The following NDUFAF2 variants were observed in gnomAD, a reference collection of about 807,000 sequenced individuals.
NDUFAF2 encodes NADH:ubiquinone oxidoreductase complex assembly factor 2, also known as NADH dehydrogenase [ubiquinone] 1 alpha subcomplex assembly factor 2.
In NDUFAF2, 13 loss-of-function variants were observed where a neutral mutation model predicts 22.8. The observed-to-expected ratio is 0.57, with a 90% CI of 0.37 to 0.91. NDUFAF2 has a LOEUF of 0.91. Among genes scored for constraint, NDUFAF2 ranks in the 40% least tolerant of loss-of-function variants. The probability of loss-of-function intolerance (pLI) is 0.01; values close to 1 mark genes in which losing one functional copy is unlikely to be tolerated. For synonymous variants in NDUFAF2, 53 were observed against 64.2 expected (o/e 0.83, Z 0.84); for missense variants, 162 against 195.2 (o/e 0.83, Z 1.01).
At chr5:60,952,924 A>T (rs937221717) in intron 1 of NDUFAF2, among the ~76,000 whole-genome samples, 15 of 152,086 alleles carry the variant, frequency 9.9e-5, no homozygotes, top group African/African-American at 1.9e-4. Context: ...ATTACCCAAA[A>T]TAAAACACAG....
At chr5:61,098,062 T>G (rs899351494) in intron 2 of NDUFAF2, among the ~76,000 whole-genome samples, 1 of 152,136 alleles carries the variant, frequency 6.6e-6, no homozygotes, top group African/African-American at 2.4e-5. Flanking sequence ...GTTTTTTGAG[T>G]CTTATTTTTA....
intron 3 of NDUFAF2, among the ~76,000 whole-genome samples, chr5:61,141,845 C>G (rs776714614): frequency 6.6e-6 from 1 of 152,128 alleles, no homozygotes; most frequent in Non-Finnish European, 1.5e-5. Context: ...TGTCTTACTT[C>G]TTCTCATCCA....
At chr5:61,093,472 T>A (rs1752597382) in intron 2 of NDUFAF2, among the ~76,000 whole-genome samples, 1 of 152,238 alleles carries the variant, frequency 6.6e-6, no homozygotes, top group Non-Finnish European at 1.5e-5. Flanking sequence ...CATGAAGGGA[T>A]GCTGATTTTA....
At chr5:61,050,051 C>T (rs1188006048) in intron 1 of NDUFAF2, among the ~76,000 whole-genome samples, 7 of 151,832 alleles carry the variant, frequency 4.6e-5, no homozygotes, top group African/African-American at 1.5e-4. Context: ...AATATCTTTT[C>T]GAGACTCTGC....
At chr5:61,103,290 T>C (rs2111773146) in intron 3 of NDUFAF2, among the ~76,000 whole-genome samples, 1 of 152,220 alleles carries the variant, frequency 6.6e-6, no homozygotes, top group Admixed American at 6.5e-5. Flanking sequence ...CCCTGCTGTT[T>C]CTCAAGTTTA....
At chr5:60,957,280 A>C (rs2112565581) in intron 1 of NDUFAF2, among the ~76,000 whole-genome samples, 1 of 152,124 alleles carries the variant, frequency 6.6e-6, no homozygotes, top group South Asian at 2.1e-4. Flanking sequence ...TATCTTTCCT[A>C]TTTTATTTTG....
At chr5:61,107,193 T>C (rs1752777950) in intron 3 of NDUFAF2, among the ~76,000 whole-genome samples, 1 of 151,170 alleles carries the variant, frequency 6.6e-6, no homozygotes, top group Non-Finnish European at 1.5e-5. Flanking sequence ...CTAATTTACA[T>C]TCCCACCAAC....
rs375642222 is a variant in NDUFAF2 at position 61,035,389 on chromosome 5, C to G, written c.128-37736C>G. On this transcript the variant is annotated intron_variant, in intron 1 of 3. Transcript: ENST00000296597. The stretch of plus-strand genomic sequence containing the variant: ...CCAATAGTGTATTTTTAATGGCTGG[C>G]AGAGAATAAGACAACTCTCTTTCTC... Among the ~76,000 whole-genome samples the G allele has an allele frequency of 5.9e-4, 83 of 139,876 alleles. 1 individual carries two copies. Among genetic ancestry groups the G allele is most frequent in the African/African-American group, 2.2e-3 (81 of 36,330 alleles). 91.8% of individuals were successfully genotyped at this position (139,876 alleles called of 152,430 possible).
In NDUFAF2 at chr5:61,067,488, C is replaced by T. The variant is rs1201735225; in HGVS notation, c.128-5637C>T. ...TCCATGTCCCTACAAAGGACATGAA[C>T]TCATCATTTTTTATGGCTGCATAGT... On this transcript the variant is annotated intron_variant, in intron 1 of 3. Transcript: ENST00000296597. Among the ~76,000 whole-genome samples the T allele has an allele frequency of 3.9e-5, 6 of 152,158 alleles. No homozygotes were observed. In the South Asian group the frequency reaches 8.3e-4, roughly 21 times the overall value.
At chr5:61,002,617 C>A (rs1354625464) in intron 1 of NDUFAF2, among the ~76,000 whole-genome samples, 1 of 152,084 alleles carries the variant, frequency 6.6e-6, no homozygotes, top group African/African-American at 2.4e-5. Context: ...GTTCTCTCAC[C>A]AGGAGACTAA....
chr5:61,111,482 G>A (rs1263526152), intron 3 of NDUFAF2, among the ~76,000 whole-genome samples: 1 of 152,044 alleles, frequency 6.6e-6, no homozygotes, highest in Non-Finnish European at 1.5e-5. Flanking sequence ...TGTCACCCAG[G>A]CTGCAGTGCA....
chr5:61,041,400 G>C (rs1751880722), intron 1 of NDUFAF2, among the ~76,000 whole-genome samples: 2 of 151,972 alleles, frequency 1.3e-5, no homozygotes, highest in Non-Finnish European at 2.9e-5. Flanking sequence ...GGTGGTTGTA[G>C]GTTGTTTTTT....
At chr5:60,952,518 A>T (rs978957819) in intron 1 of NDUFAF2, among the ~76,000 whole-genome samples, 1 of 152,076 alleles carries the variant, frequency 6.6e-6, no homozygotes, top group Non-Finnish European at 1.5e-5. Context: ...ATTGACTTCT[A>T]GTTTAATTCT....
chr5:61,128,267 T>A (rs1157058384), intron 3 of NDUFAF2, among the ~76,000 whole-genome samples: 1 of 151,324 alleles, frequency 6.6e-6, no homozygotes, highest in African/African-American at 2.4e-5. Context: ...AAGCTACCAA[T>A]GACTTTCTTC....
Position 61,152,818 on chromosome 5 carries a change from G to C in NDUFAF2, c.373G>C (p.Val125Leu). The C allele has an allele frequency of 6.2e-7, 1 of 1,604,306 alleles. No homozygotes were observed. The highest frequency in any genetic ancestry group is 8.5e-7 in the Non-Finnish European group (1 of 1,174,684). ...ETSEELLPPP[V>L]QTQIKGHASA... ...CAGTGAGGAACTCCTGCCTCCACCA[G>C]TTCAAACTCAAATTAAAGGCCATGC... is the stretch of plus-strand genomic sequence containing the variant. Residue 125 changes from valine to leucine, a missense_variant, in exon 4 of 4, where the codon GTT (valine) becomes CTT (leucine). Around this residue, in one of 2 missense-constraint regions of NDUFAF2, gnomAD observed 68 missense variants for 110.0 expected, o/e 0.62. Coordinates refer to ENST00000296597, the MANE Select transcript of NDUFAF2 (RefSeq NM_174889.5).
chr5:61,108,588 A>G (rs1242453210), intron 3 of NDUFAF2, among the ~76,000 whole-genome samples: 1 of 151,306 alleles, frequency 6.6e-6, no homozygotes, highest in Admixed American at 6.6e-5. Context: ...TAGAAATTTC[A>G]TAGTTTGAGG....
intron 3 of NDUFAF2, among the ~76,000 whole-genome samples, chr5:61,122,665 T>C (rs1752990221): frequency 1.3e-5 from 2 of 152,188 alleles, no homozygotes; most frequent in South Asian, 2.1e-4. Flanking sequence ...TTCAGGACAA[T>C]TTAATATATT....
At chr5:61,133,351 T>C (rs2111816154) in intron 3 of NDUFAF2, among the ~76,000 whole-genome samples, 1 of 152,322 alleles carries the variant, frequency 6.6e-6, no homozygotes, top group South Asian at 2.1e-4. Flanking sequence ...GAAGTCCTTA[T>C]ATGAGTGGTG....
chr5:61,144,391 CTTAAA>C (rs927209638), intron 3 of NDUFAF2, among the ~76,000 whole-genome samples: 1 of 152,094 alleles, frequency 6.6e-6, no homozygotes, highest in African/African-American at 2.4e-5. Context: ...TTTTACATAT[CTTAAA>C]TTAATAAAAA....
Sources: allele counts gnomAD v4.1 joint callset (sites outside exome capture counted in the v4.1 genomes callset), GRCh38; gene constraint gnomAD v4.1.1; regional missense constraint gnomAD v4.1.1; transcripts MANE v1.5; gene names NCBI Gene and HGNC (gene_info 2026-07-23, HGNC 2026-07-21).